Variants in OSBPL9 observed in about 807,000 individuals in gnomAD.
The protein encoded by OSBPL9 is oxysterol binding protein like 9, also known as oxysterol-binding protein-related protein 9.
Under a neutral mutation model 106.6 loss-of-function variants are expected in OSBPL9, and 40 were observed. The observed-to-expected ratio is 0.38, with a 90% confidence interval of 0.29 to 0.49. OSBPL9 has a LOEUF of 0.49. Ranked by LOEUF, OSBPL9 falls within the 20% of genes least tolerant of loss-of-function variation. The probability of loss-of-function intolerance (pLI) is 0.97; values close to 1 mark genes in which losing one functional copy is unlikely to be tolerated. For missense variants in OSBPL9, 609 were observed against 887.2 expected, an observed-to-expected ratio of 0.69 and a Z score of 3.98; for synonymous variants, 269 against 295.4, an observed-to-expected ratio of 0.91 and a Z score of 0.92.
At chr1:51,750,493 A>C (rs1669001413) in intron 8 of OSBPL9, among the ~76,000 whole-genome samples, 1 of 152,230 alleles carries the variant, frequency 6.6e-6, no homozygotes, top group South Asian at 2.1e-4. Context: ...AAAACCTTCC[A>C]CAAAAAAAGT....
intron 1 of OSBPL9, chr1:51,583,409 C>A (rs955703836): frequency 2.6e-5 from 4 of 152,222 alleles, no homozygotes; most frequent in African/African-American, 4.8e-5. Flanking sequence ...TTAGAATAAT[C>A]ACTTCCATTT....
intron 1 of OSBPL9, among the ~76,000 whole-genome samples, chr1:51,618,014 G>GT (rs1644182010): frequency 6.6e-6 from 1 of 151,262 alleles, no homozygotes. Context: ...GTGTGTGTGT[G>GT]TGTGTGTGTG....
intron 3 of OSBPL9, among the ~76,000 whole-genome samples, chr1:51,688,795 G>T (rs76987856): frequency 0.012 from 1,809 of 152,232 alleles, 37 homozygotes; most frequent in African/African-American, 0.042. Context: ...TTTATGAGAT[G>T]GAGTTAAAGC....
chr1:51,701,184 C>A (rs1484258520), intron 3 of OSBPL9, among the ~76,000 whole-genome samples: 1 of 152,216 alleles, frequency 6.6e-6, no homozygotes. Flanking sequence ...AGGTGATCCA[C>A]CCGCCTCGGC....
At chr1:51,587,864 C>T (rs1240953144) in intron 1 of OSBPL9, among the ~76,000 whole-genome samples, 3 of 152,194 alleles carry the variant, frequency 2.0e-5, no homozygotes, top group African/African-American at 7.2e-5. Flanking sequence ...GTGAGGCTTC[C>T]GCCTCACCAC....
Position 51,765,879 on chromosome 1 carries a change from C to T in OSBPL9, c.836C>T (p.Ser279Phe), listed in dbSNP as rs754933198. 3 of 1,614,066 alleles carry T rather than the reference C, an allele frequency of 1.9e-6. No individual in the cohort carries two copies. The highest frequency in any genetic ancestry group is 2.2e-5 in the South Asian group (2 of 91,070). ...SLTSPSHVNLSPNTVPEFSYS... is the reference protein window; with the variant it reads ...SLTSPSHVNLFPNTVPEFSYS... ...ACTTCTCCAAGCCACGTGAACTTGT[C>T]TCCAAATACAGTCCCAGAGTTCTCT... The change falls in exon 12 of 24, where the codon TCT becomes TTT. Residue 279 changes from serine (S) to phenylalanine (F), a missense_variant. Coordinates refer to ENST00000428468, the MANE Select transcript of OSBPL9 (RefSeq NM_024586.6).
chr1:51,616,015 T>G (rs1320276040), upstream of OSBPL9, among the ~76,000 whole-genome samples: 5 of 146,812 alleles, frequency 3.4e-5, no homozygotes, highest in Non-Finnish European at 7.5e-5. Context: ...TTTTTTTTTT[T>G]TTTTTTTTTT....
the OSBPL9 span, among the ~76,000 whole-genome samples, chr1:51,571,329 C>T: frequency 6.6e-6 from 1 of 152,130 alleles, no homozygotes; most frequent in African/African-American, 2.4e-5. Flanking sequence ...CTGTGGTAAA[C>T]ACTTTCATGT....
intron 4 of OSBPL9, among the ~76,000 whole-genome samples, chr1:51,737,008 G>A (rs1343169716): frequency 2.0e-5 from 3 of 151,934 alleles, no homozygotes; most frequent in Non-Finnish European, 1.5e-5. Flanking sequence ...CTTGGATGTT[G>A]AGTCATGATC....
chr1:51,586,938 C>G (rs1226955443), intron 1 of OSBPL9, among the ~76,000 whole-genome samples: 1 of 152,218 alleles, frequency 6.6e-6, no homozygotes, highest in Admixed American at 6.5e-5. Context: ...CCTCTCTACT[C>G]AGGTCCATCA....
At chr1:51,565,885 A>G in the OSBPL9 span, 1 of 152,102 alleles carries the variant, frequency 6.6e-6, no homozygotes, top group South Asian at 2.1e-4. Context: ...TTGTTTTCTT[A>G]TCTGCCTCCC....
the OSBPL9 span, among the ~76,000 whole-genome samples, chr1:51,522,675 G>A: frequency 6.6e-6 from 1 of 152,132 alleles, no homozygotes; most frequent in Non-Finnish European, 1.5e-5. Context: ...GAGTTGCATG[G>A]AGCAGACAAG....
chr1:51,696,752 T>G (rs1465107326), intron 3 of OSBPL9, among the ~76,000 whole-genome samples: 3 of 152,246 alleles, frequency 2.0e-5, no homozygotes, highest in Non-Finnish European at 2.9e-5. Context: ...CAGTCCTCAG[T>G]AAGACTTCTA....
rs914827288 is a variant in OSBPL9 at position 51,771,975 on chromosome 1, A to G, written c.939-95A>G. On this transcript the variant is annotated intron_variant, in intron 12 of 23. Transcript: ENST00000428468. ...ATCAAGAGAATTCTAAAGCATATAT[A>G]TGCATGCATGTAACCAGCTAACTGT... 14 of 782,856 alleles carry G rather than the reference A, an allele frequency of 1.8e-5. No homozygotes were observed. The African/African-American group carries it at 2.5e-4, about 14-fold the overall frequency. The allele number at this position is 782,856 out of a possible 1,614,324, so 48.5% of individuals were successfully genotyped here.
chr1:51,524,137 A>G, the OSBPL9 span, among the ~76,000 whole-genome samples: 1 of 152,246 alleles, frequency 6.6e-6, no homozygotes, highest in South Asian at 2.1e-4. Flanking sequence ...CCCAGGGCAG[A>G]AAGAATATGT....
chr1:51,529,444 C>T, the OSBPL9 span, among the ~76,000 whole-genome samples: 7 of 151,882 alleles, frequency 4.6e-5, no homozygotes, highest in East Asian at 3.9e-4. Flanking sequence ...AGGGTTTCAC[C>T]GTGTTAGCCA....
At chr1:51,700,212 C>T (rs1656939462) in intron 3 of OSBPL9, among the ~76,000 whole-genome samples, 1 of 152,194 alleles carries the variant, frequency 6.6e-6, no homozygotes, top group African/African-American at 2.4e-5. Flanking sequence ...TCTGACTCCT[C>T]ATATTGGACT....
rs776375408 is a variant in OSBPL9, at chr1:51,760,741, G to T, written c.634G>T (p.Val212Leu). 13 of 1,613,890 alleles carry T rather than the reference G, an allele frequency of 8.1e-6. No homozygotes were observed. Among genetic ancestry groups the T allele is most frequent in the Non-Finnish European group, 1.1e-5 (13 of 1,179,868 alleles). Reference sequence around the variant, plus strand: ...ATATCAACCTAGTCCTTTGGAACCTGTGATCAGCACAATGCCTTCCCAGAC... The same window carrying T: ...ATATCAACCTAGTCCTTTGGAACCTTTGATCAGCACAATGCCTTCCCAGAC... ...AIYQPSPLEP[V>L]ISTMPSQTVL... The change falls in exon 10 of 24, where the codon GTG becomes TTG. Residue 212 changes from valine to leucine, a missense_variant. Coordinates refer to ENST00000428468, the MANE Select transcript of OSBPL9 (RefSeq NM_024586.6).
intron 1 of OSBPL9, among the ~76,000 whole-genome samples, chr1:51,595,432 T>C (rs781424118): frequency 7.9e-5 from 12 of 152,174 alleles, no homozygotes; most frequent in Non-Finnish European, 1.0e-4. Context: ...CACGATGATA[T>C]CTGTTTATTT....
Sources: allele counts gnomAD v4.1 joint callset (sites outside exome capture counted in the v4.1 genomes callset), GRCh38; gene constraint gnomAD v4.1.1; transcripts MANE v1.5; gene names NCBI Gene and HGNC (gene_info 2026-07-23, HGNC 2026-07-21).